The following FOXK1 variants were observed in gnomAD, a reference collection of about 807,000 sequenced individuals.
FOXK1 encodes forkhead box K1, also known as forkhead box protein K1.
In FOXK1, 19 loss-of-function variants were observed where a neutral mutation model predicts 51.9. The observed-to-expected ratio is 0.37, with a 90% CI of 0.26 to 0.54. The LOEUF is 0.54. Among genes scored for constraint, FOXK1 ranks in the 20% least tolerant of loss-of-function variants. The pLI is 0.87. For missense variants in FOXK1, 870 were observed against 1,032.7 expected, an observed-to-expected ratio of 0.84 and a Z score of 2.16; for synonymous variants, 537 against 482.6, an observed-to-expected ratio of 1.11 and a Z score of -1.48.
chr7:4,733,160 T>G lies in FOXK1; in HGVS notation c.561-7678T>G, dbSNP rs1780504691. Among the ~76,000 whole-genome samples the G allele has an allele frequency of 6.6e-6, 1 of 152,166 alleles. No homozygotes were observed. Among genetic ancestry groups the G allele is most frequent in the African/African-American group, 2.4e-5 (1 of 41,442 alleles). ...CAAAAATAACGAGGGCCAAGTTTGTTTCTTTTATACGTGACGGTCTTTTTT... is the reference window on the plus strand; with the variant it reads ...CAAAAATAACGAGGGCCAAGTTTGTGTCTTTTATACGTGACGGTCTTTTTT... On this transcript the variant is annotated intron_variant, in intron 1 of 8. Transcript: ENST00000328914. This position sits in a 1 kb window ranked among gnomAD's most constrained non-coding sequence, Gnocchi z 5.0.
chr7:4,716,791 C>T (rs1375444680), intron 1 of FOXK1, among the ~76,000 whole-genome samples: 5 of 152,180 alleles, frequency 3.3e-5, no homozygotes, highest in Non-Finnish European at 5.9e-5. Context: ...CTTACATAGG[C>T]GTCACAAAAC....
Position 4,735,818 on chromosome 7 carries a change from G to C in FOXK1, c.561-5020G>C, listed in dbSNP as rs1276227581. ...CCTCCATCAAGATATTACAGGGAGA[G>C]ATGTAACTGGCAAACTCCCTGAGCA... On this transcript the variant is annotated intron_variant, in intron 1 of 8. Coordinates refer to ENST00000328914, the MANE Select transcript of FOXK1 (RefSeq NM_001037165.2). This position sits in a 1 kb window ranked among gnomAD's most constrained non-coding sequence, Gnocchi z 4.7. Among the ~76,000 whole-genome samples the C allele has an allele frequency of 1.3e-5, 2 of 152,182 alleles. No individual in the cohort carries two copies. The highest frequency in any genetic ancestry group is 4.8e-5 in the African/African-American group (2 of 41,444).
chr7:4,726,910 A>C (rs1780388137), intron 1 of FOXK1, among the ~76,000 whole-genome samples: 3 of 152,190 alleles, frequency 2.0e-5, no homozygotes, highest in Non-Finnish European at 4.4e-5. Context: ...CCTGGTATAT[A>C]TAATAATAGC....
chr7:4,699,635 C>G (rs192040240), intron 1 of FOXK1, among the ~76,000 whole-genome samples: 1 of 152,140 alleles, frequency 6.6e-6, no homozygotes, highest in Non-Finnish European at 1.5e-5. Context: ...TCCACAGTGC[C>G]GGGATTACAG....
At chr7:4,688,843 T>C (rs1779854439) in intron 1 of FOXK1, among the ~76,000 whole-genome samples, 1 of 152,096 alleles carries the variant, frequency 6.6e-6, no homozygotes, top group African/African-American at 2.4e-5. Context: ...GTGTTTTGTT[T>C]TGCTTTTTTG....
chr7:4,692,897 T>TTTTA lies in FOXK1; in HGVS notation c.560+10045_560+10048dup, dbSNP rs769654307. Among the ~76,000 whole-genome samples, 30 of 152,218 alleles carry TTTTA rather than the reference T, an allele frequency of 2.0e-4. 1 individual carries two copies. The East Asian group carries it at 3.3e-3, about 17-fold the overall frequency. ...GAGCACCACCAGACCAGCTAATTTC[T>TTTTA]TTTATTTATTTATTTATTTTTGGTT... On this transcript the variant is annotated intron_variant, in intron 1 of 8. Coordinates refer to ENST00000328914, the MANE Select transcript of FOXK1 (RefSeq NM_001037165.2).
chr7:4,695,841 CAGG>C lies in FOXK1; in HGVS notation c.560+12976_560+12978del, dbSNP rs375626964. Among the ~76,000 whole-genome samples, 275 of 150,914 alleles carry C rather than the reference CAGG, an allele frequency of 1.8e-3. 1 individual carries two copies. The highest frequency in any genetic ancestry group is 6.1e-3 in the African/African-American group (251 of 40,982). ...ATCCCAGCTACTTGGGAGGCTGAGG[CAGG>C]AGAATTGCTTGAATCCAGGAGGGAG... is the stretch of plus-strand genomic sequence containing the variant. On this transcript the variant is annotated intron_variant, in intron 1 of 8. Transcript: ENST00000328914.
rs1780685852 is a variant in FOXK1, at chr7:4,745,168, C to T, written c.746+4145C>T. 6.6e-6 allele frequency among the ~76,000 whole-genome samples: 1 copy of T among 152,230 alleles called. No individual in the cohort carries two copies. The highest frequency in any genetic ancestry group is 2.4e-5 in the African/African-American group (1 of 41,456). ...CCAGGCCAGAAGAGCTGGCTGCCTG[C>T]AAGGCTGTCCCCTCCCAGTGCCGCC... On this transcript the variant is annotated intron_variant, in intron 2 of 8. Transcript: ENST00000328914. This position sits in a 1 kb window ranked among gnomAD's most constrained non-coding sequence, Gnocchi z 4.3.
chr7:4,759,555 G>A lies in FOXK1; in HGVS notation c.1656G>A (p.Ala552=), dbSNP rs370502359. The A allele has an allele frequency of 8.4e-6, 13 of 1,542,228 alleles. No individual in the cohort carries two copies. Among genetic ancestry groups the A allele is most frequent in the Admixed American group, 1.9e-5 (1 of 51,678 alleles). ...SQGAAGGSHD[A]AGAAVLDLGS... ...GCGCGGCGGGGGGCTCCCATGATGC[G>A]GCGGGCGCAGCCGTGCTGGACCTGG... The change falls in exon 7 of 9, where the codon GCG becomes GCA. Residue 552 remains alanine (A), a synonymous_variant. Transcript: ENST00000328914.
intron 1 of FOXK1, among the ~76,000 whole-genome samples, chr7:4,698,791 T>G (rs1583183743): frequency 2.6e-5 from 4 of 152,118 alleles, no homozygotes; most frequent in Non-Finnish European, 4.4e-5. Flanking sequence ...TGAGCTCAGG[T>G]GATCCTCCCA....
chr7:4,725,320 G>A (rs1780365644), intron 1 of FOXK1, among the ~76,000 whole-genome samples: 1 of 152,244 alleles, frequency 6.6e-6, no homozygotes, highest in Admixed American at 6.5e-5. Context: ...CGAGCACAGA[G>A]CCCAGTCCCT....
At position 4,749,169 on chromosome 7, in the gene FOXK1, T is replaced by C. The variant is rs1454577329; in HGVS notation, c.747-5290T>C. 6.6e-6 allele frequency among the ~76,000 whole-genome samples: 1 copy of C among 152,234 alleles called. No homozygotes were observed. Among genetic ancestry groups the C allele is most frequent in the African/African-American group, 2.4e-5 (1 of 41,456 alleles). On this transcript the variant is annotated intron_variant, in intron 2 of 8. Transcript: ENST00000328914. The surrounding 1 kb of genome is among the most constrained non-coding windows in gnomAD (Gnocchi z 6.0). ...ATTTTTTAATTTGAAGAGCGTGTTC[T>C]TGCTCTGCAGGTGTGCTTTGCATGC...
At position 4,756,125 on chromosome 7, in the gene FOXK1, T is replaced by G. The variant is rs1780848439; in HGVS notation, c.1050+742T>G. On this transcript the variant is annotated intron_variant, in intron 4 of 8. Transcript: ENST00000328914. This position sits in a 1 kb window ranked among gnomAD's most constrained non-coding sequence, Gnocchi z 4.1. ...AGCTTTGGTTTTTTGTTTGTTTGTT[T>G]GTTTTTTGAGACAGGATCTCGCTCT... Among the ~76,000 whole-genome samples, 1 of 152,162 alleles carries G rather than the reference T, an allele frequency of 6.6e-6. No individual in the cohort carries two copies. Among genetic ancestry groups the G allele is most frequent in the African/African-American group, 2.4e-5 (1 of 41,438 alleles).
Position 4,709,673 on chromosome 7 carries a change from C to T in FOXK1, c.560+26805C>T, listed in dbSNP as rs957780027. ...GGTTTTGCCGCAGTAAAGCGTAATT[C>T]ACATGATACAAAACGTCAAATTGCG... On this transcript the variant is annotated intron_variant, in intron 1 of 8. Coordinates refer to ENST00000328914, the MANE Select transcript of FOXK1 (RefSeq NM_001037165.2). This position sits in a 1 kb window ranked among gnomAD's most constrained non-coding sequence, Gnocchi z 5.6. 3.3e-5 allele frequency among the ~76,000 whole-genome samples: 5 copies of T among 152,224 alleles called. No homozygotes were observed. Among genetic ancestry groups the T allele is most frequent in the African/African-American group, 1.2e-4 (5 of 41,456 alleles).
At position 4,763,687 on chromosome 7, in the gene FOXK1, C is replaced by T. The variant is rs1262279612; in HGVS notation, c.*1223C>T. The T allele has an allele frequency of 6.6e-6, 1 of 152,318 alleles. No homozygotes were observed. Among genetic ancestry groups the T allele is most frequent in the Non-Finnish European group, 1.5e-5 (1 of 68,098 alleles). 9.4% of individuals were successfully genotyped at this position (152,318 alleles called of 1,614,324 possible). ...AGCCAGTTGGGTGGTTCTGGGGTCC[C>T]TGAGGAAGCCCCCTCCTGCACTTCC... On this transcript the variant is annotated 3_prime_UTR_variant, in exon 9 of 9. Transcript: ENST00000328914.
chr7:4,760,979 A>G (rs1453356794), intron 7 of FOXK1, 85 bp from the exon 8 acceptor site: 4 of 1,323,752 alleles, frequency 3.0e-6, no homozygotes, highest in Non-Finnish European at 3.2e-6. Context: ...CACTTTCCCC[A>G]CTTGTCCGAC....
intron 1 of FOXK1, among the ~76,000 whole-genome samples, chr7:4,732,609 C>T (rs1780492842): frequency 6.6e-6 from 1 of 152,148 alleles, no homozygotes; most frequent in Admixed American, 6.5e-5. Flanking sequence ...TGAGCCACCG[C>T]GCCAGCCAAT....
chr7:4,725,802 C>T (rs909813209), intron 1 of FOXK1, among the ~76,000 whole-genome samples: 1 of 152,224 alleles, frequency 6.6e-6, no homozygotes, highest in East Asian at 1.9e-4. Context: ...AGGCTGGGAT[C>T]CAGGCAAGGT....
At chr7:4,688,634 G>A (rs964233288) in intron 1 of FOXK1, among the ~76,000 whole-genome samples, 3 of 152,042 alleles carry the variant, frequency 2.0e-5, no homozygotes, top group African/African-American at 4.8e-5. Context: ...TGATCTGCCC[G>A]CCTCAGCCTC....
Sources: gnomAD v4.1 joint callset for allele counts (sites outside exome capture counted in the v4.1 genomes callset) on GRCh38, gnomAD v4.1.1 for gene constraint, Gnocchi (gnomAD v3.1) non-coding constraint, MANE v1.5 for transcripts, NCBI Gene and HGNC (gene_info 2026-07-23, HGNC 2026-07-21) for gene names.